Variants in FAM107B observed in about 807,000 individuals in gnomAD.
FAM107B encodes protein FAM107B.
Under a neutral mutation model 31.5 loss-of-function variants are expected in FAM107B, and 21 were observed. The ratio of observed to expected loss-of-function variants is 0.67; its 90% confidence interval spans 0.47 to 0.96. The LOEUF is 0.96. FAM107B is among the 40% of genes least tolerant of loss of function. FAM107B has a pLI of 0.00. For missense variants in FAM107B, 452 were observed against 377.1 expected, an observed-to-expected ratio of 1.20 and a Z score of -1.64; for synonymous variants, 157 against 141.5, an observed-to-expected ratio of 1.11 and a Z score of -0.78.
intron 2 of FAM107B, among the ~76,000 whole-genome samples, chr10:14,580,827 C>A (rs1186118255): frequency 1.3e-5 from 2 of 152,198 alleles, no homozygotes; most frequent in Non-Finnish European, 2.9e-5. Flanking sequence ...AGGATCCTAA[C>A]TTCATACCAA....
At chr10:14,659,830 C>T (rs912959754) in intron 2 of FAM107B, among the ~76,000 whole-genome samples, 1 of 152,212 alleles carries the variant, frequency 6.6e-6, no homozygotes, top group Admixed American at 6.5e-5. Flanking sequence ...GAGGGGCTGG[C>T]CTTATGTGCG....
chr10:14,542,494 G>A (rs1848309250), intron 2 of FAM107B: 1 of 152,114 alleles, frequency 6.6e-6, no homozygotes, highest in African/African-American at 2.4e-5. Context: ...CCCACAAAGG[G>A]AGGGCCTGAC....
chr10:14,637,937 A>C (rs1244999949), intron 2 of FAM107B, among the ~76,000 whole-genome samples: 1 of 152,182 alleles, frequency 6.6e-6, no homozygotes, highest in Non-Finnish European at 1.5e-5. Context: ...GATTGCAGTC[A>C]TTTGAGACCC....
intron 2 of FAM107B, among the ~76,000 whole-genome samples, chr10:14,654,643 T>A (rs1327828158): frequency 1.3e-5 from 2 of 152,220 alleles, no homozygotes; most frequent in Non-Finnish European, 2.9e-5. Flanking sequence ...TCCAAATATT[T>A]TGGCCCACAT....
intron 1 of FAM107B, among the ~76,000 whole-genome samples, chr10:14,749,779 C>A (rs142236530): frequency 1.3e-5 from 2 of 152,180 alleles, no homozygotes; most frequent in African/African-American, 2.4e-5. Context: ...TGCCAGCAAC[C>A]ATGTCTTTTG....
intron 2 of FAM107B, among the ~76,000 whole-genome samples, chr10:14,639,011 T>A (rs111792381): frequency 7.9e-5 from 12 of 151,986 alleles, no homozygotes; most frequent in African/African-American, 2.9e-4. Context: ...AGTAACATAG[T>A]GAGACCCCAT....
At chr10:14,570,171 T>A (rs1851073842) in intron 2 of FAM107B, among the ~76,000 whole-genome samples, 1 of 151,886 alleles carries the variant, frequency 6.6e-6, no homozygotes, top group South Asian at 2.1e-4. Context: ...AATATAAGGG[T>A]AGCCCATATT....
intron 3 of FAM107B, among the ~76,000 whole-genome samples, chr10:14,527,124 A>T (rs1227407980): frequency 2.0e-5 from 3 of 151,608 alleles, no homozygotes; most frequent in African/African-American, 7.3e-5. Context: ...GGCGTGAGCC[A>T]CCACACCCAG....
intron 1 of FAM107B, among the ~76,000 whole-genome samples, chr10:14,753,582 G>C (rs1158858486): frequency 1.3e-5 from 2 of 152,162 alleles, no homozygotes; most frequent in Non-Finnish European, 2.9e-5. Flanking sequence ...ATCTTTTTCA[G>C]TTTTCCTCAG....
chr10:14,601,559 C>T (rs544793182), intron 2 of FAM107B, among the ~76,000 whole-genome samples: 1 of 152,258 alleles, frequency 6.6e-6, no homozygotes, highest in East Asian at 1.9e-4. Context: ...ACATCCCACT[C>T]CACAGCAGCT....
chr10:14,623,783 C>T (rs1483570133), intron 2 of FAM107B, among the ~76,000 whole-genome samples: 1 of 152,070 alleles, frequency 6.6e-6, no homozygotes, highest in African/African-American at 2.4e-5. Flanking sequence ...CTGAGATCGC[C>T]CACTGCACTC....
intron 1 of FAM107B, among the ~76,000 whole-genome samples, chr10:14,729,367 C>A (rs893639240): frequency 5.9e-5 from 9 of 152,048 alleles, no homozygotes; most frequent in Non-Finnish European, 1.2e-4. Flanking sequence ...TGTAAGCTGC[C>A]CAAGGTCATT....
At chr10:14,700,508 A>G (rs1352026255) in intron 1 of FAM107B, among the ~76,000 whole-genome samples, 1 of 152,096 alleles carries the variant, frequency 6.6e-6, no homozygotes, top group East Asian at 1.9e-4. Context: ...TAGTGACAAT[A>G]TCAGAAGAGA....
chr10:14,765,929 T>C (rs1319064494), intron 1 of FAM107B, among the ~76,000 whole-genome samples: 2 of 152,162 alleles, frequency 1.3e-5, no homozygotes, highest in Non-Finnish European at 2.9e-5. Context: ...GTAATGCTAT[T>C]AGATAAGGGG....
Position 14,608,787 on chromosome 10 carries a change from AC to A in FAM107B, c.469+58846del, listed in dbSNP as rs569572859. Among the ~76,000 whole-genome samples the A allele has an allele frequency of 1.2e-4, 18 of 151,984 alleles. No homozygotes were observed. The East Asian group carries it at 3.1e-3, about 26-fold the overall frequency. ...CCAAATCCAAGATTTGGAGAAAGAG[AC>A]CCCCCTTGATGGTAGAAGCAGTAGT... is the stretch of plus-strand genomic sequence containing the variant. On this transcript the variant is annotated intron_variant, in intron 2 of 4. Coordinates refer to ENST00000181796, the MANE Select transcript of FAM107B (RefSeq NM_031453.4).
intron 1 of FAM107B, among the ~76,000 whole-genome samples, chr10:14,770,975 TAAAAAAA>T (rs56378196): frequency 0.044 from 2,571 of 59,060 alleles, 53 homozygotes; most frequent in African/African-American, 0.11. Flanking sequence ...GAGGCTGAAC[TAAAAAAA>T]AAAAAAAAAA....
chr10:14,704,980 C>T (rs1265403691), intron 1 of FAM107B, among the ~76,000 whole-genome samples: 2 of 143,804 alleles, frequency 1.4e-5, no homozygotes, highest in East Asian at 4.1e-4. Context: ...GCCAAGATGG[C>T]GCCACTGTAC....
chr10:14,743,767 T>G (rs532772823), intron 1 of FAM107B, among the ~76,000 whole-genome samples: 1 of 152,226 alleles, frequency 6.6e-6, no homozygotes, highest in African/African-American at 2.4e-5. Flanking sequence ...CCTTGTAGTA[T>G]AGTTTGAAGT....
chr10:14,672,652 T>A (rs1854589920), intron 1 of FAM107B, among the ~76,000 whole-genome samples: 1 of 152,198 alleles, frequency 6.6e-6, no homozygotes, highest in Admixed American at 6.5e-5. Context: ...TGTATTTTCC[T>A]TGAGGACTAA....
Sources: allele counts gnomAD v4.1 joint callset (sites outside exome capture counted in the v4.1 genomes callset), GRCh38; gene constraint gnomAD v4.1.1; transcripts MANE v1.5; gene names NCBI Gene and HGNC (gene_info 2026-07-23, HGNC 2026-07-21).